The following DNASE1 variants were observed in gnomAD, a reference collection of about 807,000 sequenced individuals.
The protein encoded by DNASE1 is deoxyribonuclease-1.
A neutral mutation model predicts 33.9 loss-of-function variants in DNASE1; 40 were observed. That is an observed-to-expected ratio of 1.18 (90% confidence interval 0.92 to 1.54). The LOEUF (loss-of-function observed/expected upper bound fraction) is 1.54. Among genes scored for constraint, DNASE1 ranks in the 40% most tolerant of loss-of-function variants. The probability of loss-of-function intolerance (pLI) is 0.00; values close to 1 mark genes in which losing one functional copy is unlikely to be tolerated. For missense variants in DNASE1, 518 were observed against 372.6 expected (o/e 1.39, Z -3.21); for synonymous variants, 216 against 160.0 (o/e 1.35, Z -2.64).
At chr16:3,640,120 A>T (rs1404639308), upstream of DNASE1, among the ~76,000 whole-genome samples, 1 of 152,176 alleles carries the variant, frequency 6.6e-6, no homozygotes, top group Non-Finnish European at 1.5e-5. Context: ...ACGAATTAGG[A>T]GATCTCTCCA....
At chr16:3,615,301 A>C (rs779419165) in intron 1 of DNASE1, among the ~76,000 whole-genome samples, 1 of 152,166 alleles carries the variant, frequency 6.6e-6, no homozygotes, top group African/African-American at 2.4e-5. Flanking sequence ...CCTCCCTTCA[A>C]TGAACAAAGC....
At chr16:3,643,567 G>C (rs1265235391) in intron 1 of DNASE1, among the ~76,000 whole-genome samples, 1 of 152,186 alleles carries the variant, frequency 6.6e-6, no homozygotes, top group Non-Finnish European at 1.5e-5. Flanking sequence ...AGCTGTCCCT[G>C]TCGGGGGACA....
chr16:3,625,389 A>T (rs1276029487), intron 1 of DNASE1, among the ~76,000 whole-genome samples: 1 of 152,080 alleles, frequency 6.6e-6, no homozygotes, highest in Non-Finnish European at 1.5e-5. Flanking sequence ...GAGACTGAGA[A>T]GGGAGAATTG....
At chr16:3,636,905 C>A (rs1362754562) in intron 1 of DNASE1, among the ~76,000 whole-genome samples, 1 of 151,988 alleles carries the variant, frequency 6.6e-6, no homozygotes, top group Non-Finnish European at 1.5e-5. Flanking sequence ...AGGCTGATCA[C>A]TTGAGGTCAG....
At position 3,657,066 on chromosome 16, in the gene DNASE1, T is replaced by G; in HGVS notation, c.504T>G (p.Ala168=). Reference sequence around the variant, plus strand: ...GGGACGCAGTAGCCGAGATCGACGCTCTCTATGACGTCTACCTGGATGTCC... The same window carrying G: ...GGGACGCAGTAGCCGAGATCGACGCGCTCTATGACGTCTACCTGGATGTCC... ...APGDAVAEID[A]LYDVYLDVQE... Residue 168 remains alanine (A), a synonymous_variant, in exon 6 of 9, where the codon GCT becomes GCG. Coordinates refer to ENST00000246949, the MANE Select transcript of DNASE1 (RefSeq NM_005223.4). 1 of 1,613,986 alleles carries G rather than the reference T, an allele frequency of 6.2e-7. No homozygotes were observed. Among genetic ancestry groups the G allele is most frequent in the Non-Finnish European group, 8.5e-7 (1 of 1,180,000 alleles).
intron 1 of DNASE1, among the ~76,000 whole-genome samples, chr16:3,620,057 G>A (rs1028415949): frequency 6.6e-6 from 1 of 151,378 alleles, no homozygotes; most frequent in Admixed American, 6.6e-5. Flanking sequence ...CTGGGACTAC[G>A]GGCATGCGCC....
At chr16:3,655,338 C>G (rs79753073) in intron 1 of DNASE1, 35 bp from the exon 2 acceptor site, 2 of 1,613,278 alleles carry the variant, frequency 1.2e-6, no homozygotes, top group African/African-American at 1.3e-5. Flanking sequence ...TGACGTCTCA[C>G]TTCTGTTATG....
downstream of DNASE1, chr16:3,662,550 C>T (rs2043144652): frequency 1.8e-6 from 1 of 558,186 alleles, no homozygotes; most frequent in Non-Finnish European, 3.4e-6. Context: ...CCCAAGTGAG[C>T]ATGTGAGCTC....
chr16:3,630,489 C>T (rs1288014944), intron 1 of DNASE1, among the ~76,000 whole-genome samples: 2 of 152,146 alleles, frequency 1.3e-5, no homozygotes, highest in African/African-American at 4.8e-5. Flanking sequence ...CTATTTCTCC[C>T]TTCAATTCTG....
intron 1 of DNASE1, among the ~76,000 whole-genome samples, chr16:3,618,697 C>T (rs1025573799): frequency 6.6e-6 from 1 of 152,116 alleles, no homozygotes; most frequent in Non-Finnish European, 1.5e-5. Flanking sequence ...CCATTGCACT[C>T]CAGCCTGGGC....
downstream of DNASE1, chr16:3,662,020 T>C: frequency 6.2e-7 from 1 of 1,612,210 alleles, no homozygotes; most frequent in East Asian, 2.2e-5. Flanking sequence ...CTGCAGGAGC[T>C]GTGCGCGCTC....
At chr16:3,630,688 T>A (rs962483948) in intron 1 of DNASE1, among the ~76,000 whole-genome samples, 4 of 152,150 alleles carry the variant, frequency 2.6e-5, no homozygotes, top group Admixed American at 2.0e-4. Context: ...AATATGTTTT[T>A]CCATCCTTTG....
At position 3,636,675 on chromosome 16, in the gene DNASE1, C is replaced by G. The variant is rs917014975; in HGVS notation, c.-1358-4040C>G. ...TCTCTACTAAAAATAGAAAAACTAA[C>G]TGGGCATGGTGGCACACGCCCGTAA... On this transcript the variant is annotated intron_variant and NMD_transcript_variant, in intron 1 of 11. Transcript: ENST00000570769. Among the ~76,000 whole-genome samples, 10 of 152,162 alleles carry G rather than the reference C, an allele frequency of 6.6e-5. No homozygotes were observed. In the East Asian group the frequency reaches 1.7e-3, roughly 27 times the overall value.
chr16:3,656,898 C>G (rs1193466656), intron 5 of DNASE1, 101 bp from the exon 6 acceptor site: 3 of 1,548,070 alleles, frequency 1.9e-6, no homozygotes, highest in African/African-American at 2.7e-5. Flanking sequence ...TGGAAAATAT[C>G]CACCCCCCGG....
At chr16:3,623,817 C>G (rs1169241614) in intron 1 of DNASE1, among the ~76,000 whole-genome samples, 3 of 152,066 alleles carry the variant, frequency 2.0e-5, no homozygotes, top group African/African-American at 7.2e-5. Context: ...GTGCTCACAT[C>G]AGTAATCATC....
chr16:3,630,922 C>T (rs2041676489), intron 1 of DNASE1, among the ~76,000 whole-genome samples: 1 of 152,080 alleles, frequency 6.6e-6, no homozygotes, highest in East Asian at 1.9e-4. Flanking sequence ...CGTTGCCAAT[C>T]TCTGTCTTCT....
chr16:3,626,631 T>C (rs1465409561), intron 1 of DNASE1, among the ~76,000 whole-genome samples: 1 of 152,218 alleles, frequency 6.6e-6, no homozygotes, highest in African/African-American at 2.4e-5. Context: ...GTCCTCTAGA[T>C]GTCAGTTAGA....
At chr16:3,624,489 C>T (rs1027472735) in intron 1 of DNASE1, among the ~76,000 whole-genome samples, 3 of 152,168 alleles carry the variant, frequency 2.0e-5, no homozygotes, top group African/African-American at 7.2e-5. Context: ...CCTTGCCGCC[C>T]CTGGCTGAGT....
intron 1 of DNASE1, among the ~76,000 whole-genome samples, chr16:3,623,858 TATC>T (rs1298092210): frequency 3.3e-5 from 5 of 152,216 alleles, no homozygotes; most frequent in Admixed American, 2.0e-4. Flanking sequence ...CACAGTGAGA[TATC>T]ATCTTACACT....
Sources: allele counts gnomAD v4.1 joint callset (sites outside exome capture counted in the v4.1 genomes callset), GRCh38; gene constraint gnomAD v4.1.1; transcripts MANE v1.5; gene names NCBI Gene and HGNC (gene_info 2026-07-23, HGNC 2026-07-21).